MAPKAP1: variants seen among roughly 807,000 people sequenced by gnomAD.
MAPKAP1 encodes MAPK associated protein 1, also known as target of rapamycin complex 2 subunit MAPKAP1.
A neutral mutation model predicts 65.7 loss-of-function variants in MAPKAP1; 20 were observed. The ratio of observed to expected loss-of-function variants is 0.30; its 90% CI spans 0.21 to 0.44. The LOEUF is 0.44. Among genes scored for constraint, MAPKAP1 ranks in the 20% least tolerant of loss-of-function variants. MAPKAP1 has a pLI of 1.00. For missense variants in MAPKAP1, 423 were observed against 648.0 expected (o/e 0.65, Z 3.77); for synonymous variants, 222 against 244.3 (o/e 0.91, Z 0.85).
chr9:125,610,626 C>T (rs996741321), intron 4 of MAPKAP1, among the ~76,000 whole-genome samples: 2 of 152,170 alleles, frequency 1.3e-5, no homozygotes, highest in Non-Finnish European at 2.9e-5. Flanking sequence ...ATTAAGGTTT[C>T]CCGACTGACC....
Position 125,672,398 on chromosome 9 carries a change from A to C in MAPKAP1, c.177T>G (p.Gly59=). 1.2e-6 allele frequency: 2 copies of C among 1,614,194 alleles called. No individual in the cohort carries two copies. Among genetic ancestry groups the C allele is most frequent in the South Asian group, 2.2e-5 (2 of 91,078 alleles). ...DSGSEIQGSN[G]ETQGYVYAQS... Reference sequence around the variant, plus strand: ...GGGCATATACATAGCCCTGAGTCTCACCATTGCTTCCCTGAATTTCTGACC... The same window carrying C: ...GGGCATATACATAGCCCTGAGTCTCCCCATTGCTTCCCTGAATTTCTGACC... The change falls in exon 2 of 12, where the codon GGT becomes GGG. Residue 59 remains glycine (G), a synonymous_variant. Transcript: ENST00000265960.
chr9:125,567,434 A>C (rs6478707), intron 5 of MAPKAP1: 13,363 of 152,222 alleles, frequency 0.088, 1,062 homozygotes, highest in African/African-American at 0.22. Flanking sequence ...CTACACTCCC[A>C]CCAGCGCCAT....
chr9:125,453,796 A>T (rs1176397031), intron 10 of MAPKAP1, among the ~76,000 whole-genome samples: 1 of 152,242 alleles, frequency 6.6e-6, no homozygotes, highest in Non-Finnish European at 1.5e-5. Flanking sequence ...AATATCGAAA[A>T]AAAATCACTT....
chr9:125,551,317 A>C (rs140122334), intron 6 of MAPKAP1, among the ~76,000 whole-genome samples: 10 of 152,302 alleles, frequency 6.6e-5, no homozygotes, highest in African/African-American at 2.2e-4. Context: ...AGGTAAACTA[A>C]AACTCCCCAC....
At position 125,439,304 on chromosome 9, in the gene MAPKAP1, G is replaced by A. The variant is rs999190369; in HGVS notation, c.1444-292C>T. ...GAGCCCATGCTCCCTCCTGGCGTGA[G>A]CCACTCCCGGAAGGCTGTGCCCTGG... On this transcript the variant is annotated intron_variant, in intron 11 of 11. Coordinates refer to ENST00000265960, the MANE Select transcript of MAPKAP1 (RefSeq NM_001006617.3). The surrounding 1 kb of genome is among the most constrained non-coding windows in gnomAD (Gnocchi z 4.0). 6.6e-6 allele frequency among the ~76,000 whole-genome samples: 1 copy of A among 152,260 alleles called. No homozygotes were observed.
At position 125,437,722 on chromosome 9, in the gene MAPKAP1, T is replaced by A. The variant is rs1396119179; in HGVS notation, c.*1165A>T. ...TTCCTGTACAACAATTTAAAAAATG[T>A]TTCTAATGCAGGTCCTCAGTGAAAC... On this transcript the variant is annotated 3_prime_UTR_variant, in exon 12 of 12. Transcript: ENST00000265960. The A allele has an allele frequency of 6.6e-6, 1 of 152,336 alleles. No homozygotes were observed. Among genetic ancestry groups the A allele is most frequent in the Non-Finnish European group, 1.5e-5 (1 of 68,038 alleles). 9.4% of individuals were successfully genotyped at this position (152,336 alleles called of 1,614,324 possible). A position where few individuals can be genotyped will look rare whatever the true frequency, so the allele number is the denominator to read the frequency against.
intron 1 of MAPKAP1, among the ~76,000 whole-genome samples, chr9:125,689,462 A>AAAAAAAC (rs34657276): frequency 9.5e-6 from 1 of 104,992 alleles, no homozygotes; most frequent in East Asian, 2.6e-4. Context: ...AAAAAAAAAA[A>AAAAAAAC]CAGGCCAGGC....
chr9:125,672,204 T>C (rs1834517285), intron 2 of MAPKAP1, 112 bp downstream of exon 2: 2 of 1,207,050 alleles, frequency 1.7e-6, no homozygotes, highest in Non-Finnish European at 1.2e-6. Context: ...TGCATGTTCC[T>C]ATTAATACCC....
chr9:125,702,876 T>C (rs1264744549), intron 1 of MAPKAP1, among the ~76,000 whole-genome samples: 2 of 150,110 alleles, frequency 1.3e-5, no homozygotes, highest in African/African-American at 4.9e-5. Context: ...AAAAAAAAAC[T>C]AGCTACACAT....
intron 1 of MAPKAP1, among the ~76,000 whole-genome samples, chr9:125,687,305 G>A (rs1401084898): frequency 6.6e-6 from 1 of 152,034 alleles, no homozygotes; most frequent in Non-Finnish European, 1.5e-5. Flanking sequence ...AGAGTTCCAC[G>A]TTGCTGTCAC....
intron 4 of MAPKAP1, among the ~76,000 whole-genome samples, chr9:125,616,963 T>C (rs966571886): frequency 6.6e-6 from 1 of 152,246 alleles, no homozygotes; most frequent in African/African-American, 2.4e-5. Context: ...TAGTAAAGGT[T>C]AAGTATTTTT....
intron 8 of MAPKAP1, among the ~76,000 whole-genome samples, chr9:125,488,749 T>C (rs1172974762): frequency 1.3e-5 from 2 of 152,156 alleles, no homozygotes; most frequent in Non-Finnish European, 2.9e-5. Flanking sequence ...ATGCTAGCAG[T>C]ATGCTAGACG....
intron 5 of MAPKAP1, among the ~76,000 whole-genome samples, chr9:125,569,474 G>A (rs920948911): frequency 2.0e-5 from 3 of 152,026 alleles, no homozygotes; most frequent in Non-Finnish European, 4.4e-5. Context: ...TCTCCTCCGC[G>A]GACTATCTTA....
intron 7 of MAPKAP1, among the ~76,000 whole-genome samples, chr9:125,525,529 C>T (rs1228336591): frequency 6.6e-6 from 1 of 151,954 alleles, no homozygotes; most frequent in Non-Finnish European, 1.5e-5. Context: ...CAAAATTAGC[C>T]GGGTGCGGTG....
At chr9:125,599,530 A>C (rs1192170632) in intron 4 of MAPKAP1, among the ~76,000 whole-genome samples, 2 of 152,130 alleles carry the variant, frequency 1.3e-5, no homozygotes, top group Non-Finnish European at 2.9e-5. Flanking sequence ...TAATCCTTTC[A>C]AGAGTACAAC....
intron 1 of MAPKAP1, among the ~76,000 whole-genome samples, chr9:125,677,150 G>A (rs957064530): frequency 6.6e-5 from 10 of 152,142 alleles, no homozygotes; most frequent in Admixed American, 1.3e-4. Flanking sequence ...ACAGCCAGAC[G>A]TCTTTTGGCC....
intron 5 of MAPKAP1, among the ~76,000 whole-genome samples, chr9:125,571,092 T>C (rs947344471): frequency 6.6e-6 from 1 of 152,208 alleles, no homozygotes; most frequent in African/African-American, 2.4e-5. Context: ...AAATCATACA[T>C]TATCAAATGT....
intron 8 of MAPKAP1, among the ~76,000 whole-genome samples, chr9:125,505,768 T>C (rs986196215): frequency 6.6e-6 from 1 of 152,198 alleles, no homozygotes; most frequent in Admixed American, 6.5e-5. Context: ...GCAAGCGCAG[T>C]TTCACACATC....
chr9:125,698,273 T>A (rs1394413331), intron 1 of MAPKAP1, among the ~76,000 whole-genome samples: 4 of 72,982 alleles, frequency 5.5e-5, no homozygotes, highest in African/African-American at 3.6e-4. Flanking sequence ...ATATATATAA[T>A]ACATAATATA....
Sources: allele counts gnomAD v4.1 joint callset (sites outside exome capture counted in the v4.1 genomes callset), GRCh38; gene constraint gnomAD v4.1.1; non-coding constraint Gnocchi (gnomAD v3.1); transcripts MANE v1.5; gene names NCBI Gene and HGNC (gene_info 2026-07-23, HGNC 2026-07-21).